The following RANBP17 variants were observed in gnomAD, a reference collection of about 807,000 sequenced individuals.
RANBP17 encodes RAN binding protein 17, also known as ran-binding protein 17.
A neutral mutation model predicts 141.2 loss-of-function variants in RANBP17; 158 were observed. That is an observed-to-expected ratio of 1.12 (90% CI 0.98 to 1.28). RANBP17 has a LOEUF of 1.28. Ranked by LOEUF, RANBP17 falls within the 50% of genes most tolerant of loss-of-function variation. The probability of loss-of-function intolerance (pLI) is 0.00; values close to 1 mark genes in which losing one functional copy is unlikely to be tolerated. For synonymous variants in RANBP17, 430 were observed against 450.0 expected, an observed-to-expected ratio of 0.96 and a Z score of 0.56; for missense variants, 1,438 against 1,290.7, an observed-to-expected ratio of 1.11 and a Z score of -1.75.
At chr5:171,122,290 T>C (rs1756096891) in intron 14 of RANBP17, among the ~76,000 whole-genome samples, 1 of 152,170 alleles carries the variant, frequency 6.6e-6, no homozygotes, top group South Asian at 2.1e-4. Flanking sequence ...TTTTTTTCTT[T>C]TGGAGTCAAC....
intron 3 of RANBP17, among the ~76,000 whole-genome samples, chr5:170,884,401 A>G (rs1581048842): frequency 6.6e-6 from 1 of 152,218 alleles, no homozygotes; most frequent in Non-Finnish European, 1.5e-5. Context: ...TTTGTATGTT[A>G]TATGTGTTAT....
chr5:170,910,930 T>C, intron 6 of RANBP17, 39 bp from the exon 7 acceptor site: 1 of 1,574,802 alleles, frequency 6.3e-7, no homozygotes, highest in East Asian at 2.2e-5. Context: ...TTTATTGATG[T>C]ATTTCGCAGT....
At chr5:171,025,685 C>G (rs996708555) in intron 14 of RANBP17, among the ~76,000 whole-genome samples, 4 of 151,378 alleles carry the variant, frequency 2.6e-5, no homozygotes, top group Non-Finnish European at 5.9e-5. Flanking sequence ...AAGCAATTCT[C>G]TGTGCCAAAG....
At chr5:171,126,015 T>G (rs1187271661) in intron 14 of RANBP17, among the ~76,000 whole-genome samples, 5 of 152,184 alleles carry the variant, frequency 3.3e-5, no homozygotes, top group African/African-American at 1.2e-4. Flanking sequence ...CTCAAACTCC[T>G]GACCTCGTGA....
At chr5:171,125,036 T>C (rs144405407) in intron 14 of RANBP17, among the ~76,000 whole-genome samples, 2,325 of 152,286 alleles carry the variant, frequency 0.015, 51 homozygotes, top group African/African-American at 0.052. Flanking sequence ...GGCTCACGCC[T>C]GTAATCCCAA....
At chr5:171,187,659 A>G (rs1444867027) in intron 18 of RANBP17, among the ~76,000 whole-genome samples, 1 of 152,148 alleles carries the variant, frequency 6.6e-6, no homozygotes, top group African/African-American at 2.4e-5. Flanking sequence ...TACTTTTATA[A>G]TGGTAAAAAT....
At chr5:170,871,347 A>T (rs1462536516) in intron 1 of RANBP17, among the ~76,000 whole-genome samples, 1 of 152,078 alleles carries the variant, frequency 6.6e-6, no homozygotes, top group African/African-American at 2.4e-5. Flanking sequence ...ACACCTGGCC[A>T]CTACATTTGC....
At chr5:171,117,829 TTTGTTGTTGTTG>T (rs57307801) in intron 14 of RANBP17, among the ~76,000 whole-genome samples, 2,982 of 147,544 alleles carry the variant, frequency 0.02, 95 homozygotes, top group African/African-American at 0.069. Flanking sequence ...TATGTGGGGT[TTTGTTGTTGTTG>T]TTGTTGTTGT....
At chr5:171,247,498 T>A (rs994296730) in intron 24 of RANBP17, among the ~76,000 whole-genome samples, 7 of 152,148 alleles carry the variant, frequency 4.6e-5, no homozygotes, top group African/African-American at 1.4e-4. Context: ...ATGGAAAAAA[T>A]AAGGAGGTAC....
intron 24 of RANBP17, among the ~76,000 whole-genome samples, chr5:171,254,163 C>A (rs1765742324): frequency 6.6e-6 from 1 of 150,950 alleles, no homozygotes; most frequent in Admixed American, 6.6e-5. Flanking sequence ...AGGAGAATCA[C>A]TGGAACCTGG....
intron 5 of RANBP17, chr5:170,903,458 T>C: frequency 6.3e-6 from 1 of 159,166 alleles, no homozygotes. Context: ...ACCACTTGGC[T>C]CCCTGGCTTA....
At chr5:170,993,158 A>G (rs564152769) in intron 14 of RANBP17, among the ~76,000 whole-genome samples, 8 of 152,206 alleles carry the variant, frequency 5.3e-5, no homozygotes, top group African/African-American at 1.7e-4. Flanking sequence ...TGTCCATTAT[A>G]TGTTAAACAT....
chr5:170,998,108 C>T (rs1438194970), intron 14 of RANBP17, among the ~76,000 whole-genome samples: 1 of 151,550 alleles, frequency 6.6e-6, no homozygotes, highest in Non-Finnish European at 1.5e-5. Flanking sequence ...AAAAAAAACC[C>T]TTTTTCTGTC....
At chr5:171,089,342 A>G (rs1404720837) in intron 14 of RANBP17, among the ~76,000 whole-genome samples, 1 of 144,104 alleles carries the variant, frequency 6.9e-6, no homozygotes, top group East Asian at 2.2e-4. Context: ...GCGTGCTGGG[A>G]GAACCACTGC....
chr5:171,184,751 T>TA (rs1295098251), intron 18 of RANBP17, among the ~76,000 whole-genome samples: 1 of 152,198 alleles, frequency 6.6e-6, no homozygotes, highest in Non-Finnish European at 1.5e-5. Flanking sequence ...AGTGATACAG[T>TA]AAAGCAAGTC....
At chr5:171,256,071 C>G (rs1244728511) in intron 24 of RANBP17, among the ~76,000 whole-genome samples, 1 of 151,962 alleles carries the variant, frequency 6.6e-6, no homozygotes, top group Non-Finnish European at 1.5e-5. Context: ...TTTTTCTTTC[C>G]TTGATGGCAG....
At position 171,281,764 on chromosome 5, in the gene RANBP17, A is replaced by T. The variant is rs150799624; in HGVS notation, c.2944-12119A>T. Among the ~76,000 whole-genome samples the T allele has an allele frequency of 6.3e-3, 967 of 152,364 alleles. 9 individuals are homozygous for T. Among genetic ancestry groups the T allele is most frequent in the Non-Finnish European group, 9.7e-3 (658 of 68,032 alleles). On this transcript the variant is annotated intron_variant, in intron 25 of 27. Coordinates refer to ENST00000523189, the MANE Select transcript of RANBP17 (RefSeq NM_022897.5). ...ACATAAAAAGAGCTAATAATAGAATATTATTGACTTGAAATATACACAGGT... is the reference window on the plus strand; with the variant it reads ...ACATAAAAAGAGCTAATAATAGAATTTTATTGACTTGAAATATACACAGGT...
intron 14 of RANBP17, among the ~76,000 whole-genome samples, chr5:171,061,006 T>G (rs1376156754): frequency 6.6e-6 from 1 of 151,252 alleles, no homozygotes; most frequent in Non-Finnish European, 1.5e-5. Context: ...TCGGTGGTGA[T>G]ATCCCCTTTA....
intron 1 of RANBP17, among the ~76,000 whole-genome samples, chr5:170,868,846 G>A (rs1767479546): frequency 6.6e-6 from 1 of 152,152 alleles, no homozygotes; most frequent in African/African-American, 2.4e-5. Flanking sequence ...AAAATGAAGT[G>A]CTAAACAGAA....
Sources: allele counts gnomAD v4.1 joint callset (sites outside exome capture counted in the v4.1 genomes callset), GRCh38; gene constraint gnomAD v4.1.1; transcripts MANE v1.5; gene names NCBI Gene and HGNC (gene_info 2026-07-23, HGNC 2026-07-21).